Variants in CHRM2 observed in about 807,000 individuals in gnomAD.
CHRM2 encodes muscarinic acetylcholine receptor M2.
Under a neutral mutation model 25.0 loss-of-function variants are expected in CHRM2, and 8 were observed. The observed-to-expected ratio is 0.32, with a 90% CI of 0.19 to 0.58. CHRM2 has a LOEUF of 0.58. Among genes scored for constraint, CHRM2 ranks in the 20% least tolerant of loss-of-function variants. The pLI is 0.88. For missense variants in CHRM2, 440 were observed against 567.1 expected, an observed-to-expected ratio of 0.78 and a Z score of 2.28; for synonymous variants, 202 against 205.7, an observed-to-expected ratio of 0.98 and a Z score of 0.15.
intron 3 of CHRM2, among the ~76,000 whole-genome samples, chr7:136,992,986 G>A (rs1475104475): frequency 1.3e-5 from 2 of 152,092 alleles, no homozygotes; most frequent in Admixed American, 6.6e-5. Flanking sequence ...GATTGTACAC[G>A]TTAATTATAT....
At chr7:136,900,505 G>A (rs1203104809) in intron 2 of CHRM2, among the ~76,000 whole-genome samples, 2 of 151,956 alleles carry the variant, frequency 1.3e-5, no homozygotes, top group Non-Finnish European at 2.9e-5. Context: ...GGTTCTCCCA[G>A]AAACAAGGCT....
At chr7:136,890,390 T>C (rs915462600) in intron 2 of CHRM2, among the ~76,000 whole-genome samples, 3 of 152,174 alleles carry the variant, frequency 2.0e-5, no homozygotes, top group Non-Finnish European at 2.9e-5. Context: ...GGAAAAGCTA[T>C]CTGAATAGAG....
At chr7:136,931,467 CT>C (rs1168358450) in intron 2 of CHRM2, among the ~76,000 whole-genome samples, 1 of 152,164 alleles carries the variant, frequency 6.6e-6, no homozygotes, top group Admixed American at 6.5e-5. Flanking sequence ...ATGAAGATAC[CT>C]TTGGGTACTG....
chr7:136,908,081 G>C (rs1175717667), intron 2 of CHRM2: 1 of 151,868 alleles, frequency 6.6e-6, no homozygotes, highest in African/African-American at 2.4e-5. Flanking sequence ...TCTAAGCATA[G>C]AGAATAATAA....
rs534029478 is a variant in CHRM2, at chr7:136,884,594, G to A, written c.-125+15176G>A. ...GAACTGGTGTTTTCTGAGACACTGA[G>A]CATTTCATAGTCCAGAGAAATTCAC... On this transcript the variant is annotated intron_variant, in intron 2 of 3. Coordinates refer to ENST00000680005, the MANE Select transcript of CHRM2 (RefSeq NM_001006630.2). Among the ~76,000 whole-genome samples, 302 of 152,036 alleles carry A rather than the reference G, an allele frequency of 2.0e-3. 1 individual carries two copies. The highest frequency in any genetic ancestry group is 6.8e-3 in the Middle Eastern group (2 of 294).
At chr7:136,944,834 G>A (rs1371158022) in intron 2 of CHRM2, among the ~76,000 whole-genome samples, 1 of 151,778 alleles carries the variant, frequency 6.6e-6, no homozygotes, top group East Asian at 1.9e-4. Flanking sequence ...AACCACAATT[G>A]CTTTTGCATC....
At chr7:136,872,680 G>A (rs1795887401) in intron 2 of CHRM2, among the ~76,000 whole-genome samples, 1 of 152,184 alleles carries the variant, frequency 6.6e-6, no homozygotes, top group Non-Finnish European at 1.5e-5. Flanking sequence ...TTCAATGGAA[G>A]TTAGGCTGGC....
intron 2 of CHRM2, among the ~76,000 whole-genome samples, chr7:136,880,036 C>G (rs978973132): frequency 1.4e-5 from 2 of 144,742 alleles, no homozygotes; most frequent in Non-Finnish European, 3.0e-5. Flanking sequence ...GTGGTCCATT[C>G]CTCTTGGATC....
At chr7:136,931,991 C>A (rs1799133158) in intron 2 of CHRM2, among the ~76,000 whole-genome samples, 1 of 152,112 alleles carries the variant, frequency 6.6e-6, no homozygotes, top group Non-Finnish European at 1.5e-5. Context: ...GCACAAAGGA[C>A]AAGGGGGCCA....
chr7:136,909,280 A>G (rs1797716661), intron 2 of CHRM2, among the ~76,000 whole-genome samples: 1 of 151,978 alleles, frequency 6.6e-6, no homozygotes, highest in African/African-American at 2.4e-5. Context: ...GTACTCACAG[A>G]CAATCTTGTT....
chr7:136,872,176 A>G (rs924506794), intron 2 of CHRM2, among the ~76,000 whole-genome samples: 8 of 152,194 alleles, frequency 5.3e-5, no homozygotes, highest in Non-Finnish European at 7.3e-5. Context: ...TCATTTTCCT[A>G]TAAAATAAAG....
chr7:136,993,076 A>T (rs537869403), intron 3 of CHRM2, among the ~76,000 whole-genome samples: 1 of 152,336 alleles, frequency 6.6e-6, no homozygotes, highest in South Asian at 2.1e-4. Context: ...AAATTGACAC[A>T]TAAAATTAAC....
Position 137,017,047 on chromosome 7 carries a change from T to C in CHRM2, c.*781T>C, listed in dbSNP as rs1176939368. 4 of 162,700 alleles carry C rather than the reference T, an allele frequency of 2.5e-5. No individual in the cohort carries two copies. The highest frequency in any genetic ancestry group is 9.7e-5 in the African/African-American group (4 of 41,418). The allele number at this position is 162,700 out of a possible 1,614,324, so 10.1% of individuals were successfully genotyped here. ...CTCCTCACTGTGTCCTTTGCATTCG[T>C]TGGGGATATCAAGGTCTATAAGGAT... On this transcript the variant is annotated 3_prime_UTR_variant, in exon 4 of 4. Coordinates refer to ENST00000680005, the MANE Select transcript of CHRM2 (RefSeq NM_001006630.2).
At chr7:136,981,922 C>G (rs1215109228) in intron 2 of CHRM2, among the ~76,000 whole-genome samples, 1 of 152,076 alleles carries the variant, frequency 6.6e-6, no homozygotes, top group Non-Finnish European at 1.5e-5. Flanking sequence ...AAAGTATATT[C>G]TGTTGATTTG....
chr7:136,918,643 C>T (rs1798255096), intron 2 of CHRM2, among the ~76,000 whole-genome samples: 1 of 151,976 alleles, frequency 6.6e-6, no homozygotes, highest in African/African-American at 2.4e-5. Context: ...TCAGGTTGGT[C>T]TCAAACTCCT....
intron 2 of CHRM2, among the ~76,000 whole-genome samples, chr7:136,944,598 A>AT (rs1173346826): frequency 3.3e-5 from 5 of 151,926 alleles, no homozygotes; most frequent in African/African-American, 9.7e-5. Context: ...CTGGTTCCAT[A>AT]TTTTTGCAAT....
Position 137,006,671 on chromosome 7 carries a change from A to G in CHRM2, c.-46-8149A>G, listed in dbSNP as rs113046212. On this transcript the variant is annotated intron_variant, in intron 3 of 3. Transcript: ENST00000680005. ...TTTTACATTTTTTTTTCTTTTTCAC[A>G]AAAGTGCAACTCACATCTAGCACTG... Among the ~76,000 whole-genome samples the G allele has an allele frequency of 8.4e-3, 1,282 of 152,004 alleles. 16 individuals carry two copies. The highest frequency in any genetic ancestry group is 0.029 in the African/African-American group (1,203 of 41,460).
intron 3 of CHRM2, among the ~76,000 whole-genome samples, chr7:136,995,319 TA>T (rs555706043): frequency 1.3e-5 from 2 of 152,280 alleles, no homozygotes; most frequent in South Asian, 4.1e-4. Context: ...AACACAGGTC[TA>T]TAAAAATTTT....
At chr7:137,005,473 C>A (rs1452639904) in intron 3 of CHRM2, among the ~76,000 whole-genome samples, 1 of 152,044 alleles carries the variant, frequency 6.6e-6, no homozygotes, top group East Asian at 1.9e-4. Context: ...AATATTTTCA[C>A]AGCCTCTAAT....
Sources: gnomAD v4.1 joint callset for allele counts (sites outside exome capture counted in the v4.1 genomes callset) on GRCh38, gnomAD v4.1.1 for gene constraint, MANE v1.5 for transcripts, NCBI Gene and HGNC (gene_info 2026-07-23, HGNC 2026-07-21) for gene names.